KLRG1: variants seen among roughly 807,000 people sequenced by gnomAD.
KLRG1 encodes killer cell lectin-like receptor subfamily G member 1.
Under a neutral mutation model 21.8 loss-of-function variants are expected in KLRG1, and 16 were observed. That is an observed-to-expected ratio of 0.73 (90% confidence interval 0.50 to 1.11). The LOEUF is 1.11. Ranked by LOEUF, KLRG1 falls within the 50% of genes most tolerant of loss-of-function variation. KLRG1 has a pLI of 0.00. For synonymous variants in KLRG1, 69 were observed against 75.9 expected (o/e 0.91, Z 0.47); for missense variants, 173 against 218.3 (o/e 0.79, Z 1.31).
chr12:9,074,388 C>T, the KLRG1 span, among the ~76,000 whole-genome samples: 1,520 of 152,170 alleles, frequency 1.0e-2, 25 homozygotes, highest in African/African-American at 0.034. Flanking sequence ...TCCTTTTGGC[C>T]CTCTTTGACT....
the KLRG1 span, among the ~76,000 whole-genome samples, chr12:9,104,084 A>G: frequency 6.6e-6 from 1 of 152,218 alleles, no homozygotes; most frequent in African/African-American, 2.4e-5. Flanking sequence ...CCTTCTTTTC[A>G]TAAACTTTAA....
the KLRG1 span, chr12:9,076,973 A>G: frequency 1.3e-6 from 2 of 1,514,844 alleles, no homozygotes; most frequent in East Asian, 4.6e-5. Context: ...TAAGCTATGT[A>G]AACAGGCATA....
the KLRG1 span, chr12:9,168,937 C>T: frequency 1.9e-5 from 30 of 1,613,922 alleles, no homozygotes; most frequent in African/African-American, 4.0e-5. Flanking sequence ...CTTTGGTTTT[C>T]GGATTTTTGA....
the KLRG1 span, among the ~76,000 whole-genome samples, chr12:9,207,582 C>T: frequency 6.6e-6 from 1 of 152,178 alleles, no homozygotes; most frequent in Non-Finnish European, 1.5e-5. Flanking sequence ...CAAGAGAAAC[C>T]AGATGGCTAA....
At chr12:9,170,325 G>T in the KLRG1 span, among the ~76,000 whole-genome samples, 1 of 152,182 alleles carries the variant, frequency 6.6e-6, no homozygotes, top group Non-Finnish European at 1.5e-5. This position sits in a 1 kb window ranked among gnomAD's most constrained non-coding sequence, Gnocchi z 4.6. Flanking sequence ...CCAGGGTCTT[G>T]GGTCTGATAC....
chr12:9,161,363 G>A, the KLRG1 span, among the ~76,000 whole-genome samples: 10 of 152,326 alleles, frequency 6.6e-5, no homozygotes, highest in East Asian at 1.9e-3. Flanking sequence ...TTTATTATTA[G>A]AGTTAGCAGT....
chr12:9,065,738 T>C, the KLRG1 span: 3 of 152,216 alleles, frequency 2.0e-5, no homozygotes, highest in African/African-American at 7.2e-5. Context: ...AGAGGTAACT[T>C]GTGGTGCTGC....
the KLRG1 span, chr12:9,164,992 G>C: frequency 1.0e-6 from 1 of 978,458 alleles, no homozygotes; most frequent in South Asian, 1.6e-5. Context: ...TTCTGATCAT[G>C]TCCTGCTTTG....
chr12:9,089,338 G>A, the KLRG1 span: 1 of 953,416 alleles, frequency 1.0e-6, no homozygotes, highest in African/African-American at 1.6e-5. Context: ...TATTTGGATA[G>A]TGAAGAGAAG....
chr12:8,984,355 G>A (rs779074038), intron 1 of KLRG1, among the ~76,000 whole-genome samples: 8 of 152,114 alleles, frequency 5.3e-5, no homozygotes, highest in Non-Finnish European at 7.4e-5. Flanking sequence ...GGCATGTGCC[G>A]CCAGGCCAGG....
the KLRG1 span, chr12:9,111,892 C>T: frequency 1.9e-6 from 1 of 528,922 alleles, no homozygotes; most frequent in Non-Finnish European, 3.6e-6. Flanking sequence ...TTGAATGTAT[C>T]TTTCTAATTG....
the KLRG1 span, among the ~76,000 whole-genome samples, chr12:9,177,421 A>C: frequency 2.0e-5 from 3 of 152,194 alleles, no homozygotes; most frequent in East Asian, 5.8e-4. Flanking sequence ...CCGCCATGTT[A>C]ATCGCAACCA....
chr12:9,189,228 A>C, the KLRG1 span, among the ~76,000 whole-genome samples: 1 of 152,216 alleles, frequency 6.6e-6, no homozygotes, highest in Non-Finnish European at 1.5e-5. Context: ...AGGAGGCATC[A>C]CACCACCCAA....
At chr12:9,089,001 A>C in the KLRG1 span, among the ~76,000 whole-genome samples, 2 of 152,256 alleles carry the variant, frequency 1.3e-5, no homozygotes, top group Non-Finnish European at 2.9e-5. Context: ...GCAAAAGATC[A>C]AGACTCAGAA....
chr12:9,186,338 G>T, the KLRG1 span, among the ~76,000 whole-genome samples: 3 of 152,168 alleles, frequency 2.0e-5, no homozygotes, highest in East Asian at 5.8e-4. Context: ...ACACTATAGA[G>T]CAGTTACACA....
At chr12:9,093,668 A>G in the KLRG1 span, 1 of 737,498 alleles carries the variant, frequency 1.4e-6, no homozygotes, top group African/African-American at 1.8e-5. Context: ...AAAAAAAAAC[A>G]AAAAACAAAT....
Position 8,995,135 on chromosome 12 carries a change from T to C in KLRG1, c.204T>C (p.Thr68=). 2 of 1,607,054 alleles carry C rather than the reference T, an allele frequency of 1.2e-6. No homozygotes were observed. The highest frequency in any genetic ancestry group is 1.7e-6 in the Non-Finnish European group (2 of 1,177,392). The change falls in exon 3 of 5, where the codon ACT becomes ACC. Residue 68 remains threonine, a synonymous_variant. Transcript: ENST00000356986. ...WILCQGSNYS[T]CASCPSCPDR... is the part of the protein sequence containing the mutation. ...CTCTCCTAGGCTCCAACTACTCCAC[T>C]TGTGCCAGCTGTCCTAGCTGCCCAG...
the KLRG1 span, chr12:9,094,856 A>G: frequency 2.1e-6 from 1 of 487,062 alleles, no homozygotes; most frequent in Non-Finnish European, 3.5e-6. Context: ...AATAACCTTA[A>G]TATGTATGAC....
chr12:9,206,870 G>A, the KLRG1 span, among the ~76,000 whole-genome samples: 1 of 152,176 alleles, frequency 6.6e-6, no homozygotes. Context: ...ATTGCTTAAT[G>A]TTTCTGACCC....
Sources: allele counts gnomAD v4.1 joint callset (sites outside exome capture counted in the v4.1 genomes callset), GRCh38; gene constraint gnomAD v4.1.1; non-coding constraint Gnocchi (gnomAD v3.1); transcripts MANE v1.5; gene names NCBI Gene and HGNC (gene_info 2026-07-23, HGNC 2026-07-21).